PCBP3: variants seen among roughly 807,000 people sequenced by gnomAD.
The protein encoded by PCBP3 is poly(rC)-binding protein 3.
In PCBP3, 25 loss-of-function variants were observed where a neutral mutation model predicts 52.7. The observed-to-expected ratio is 0.47, with a 90% CI of 0.35 to 0.66. The LOEUF is 0.66. Among genes scored for constraint, PCBP3 ranks in the 30% least tolerant of loss-of-function variants. The pLI is 0.01. For synonymous variants in PCBP3, 162 were observed against 183.0 expected (o/e 0.89, Z 0.93); for missense variants, 391 against 490.3 (o/e 0.80, Z 1.91).
At chr21:45,862,258 T>C (rs1940026693) in intron 5 of PCBP3, among the ~76,000 whole-genome samples, 1 of 152,002 alleles carries the variant, frequency 6.6e-6, no homozygotes, top group African/African-American at 2.4e-5. Context: ...CAATTCAAAA[T>C]ACCTGGAATT....
rs976319137 is a variant in PCBP3 at position 45,802,806 on chromosome 21, C to T, written c.-125-47155C>T. Among the ~76,000 whole-genome samples, 2 of 152,148 alleles carry T rather than the reference C, an allele frequency of 1.3e-5. No individual in the cohort carries two copies. Among genetic ancestry groups the T allele is most frequent in the Non-Finnish European group, 2.9e-5 (2 of 68,020 alleles). The stretch of plus-strand genomic sequence containing the variant: ...GGGATGGGAAGGGTCCCCGAGGGCC[C>T]TGAGCAGGGCTAACCCTAGGGAAAC... On this transcript the variant is annotated intron_variant, in intron 4 of 17. Transcript: ENST00000681687. The surrounding 1 kb of genome is among the most constrained non-coding windows in gnomAD (Gnocchi z 5.1).
At chr21:45,835,764 C>T (rs1160743689) in intron 4 of PCBP3, among the ~76,000 whole-genome samples, 2 of 152,166 alleles carry the variant, frequency 1.3e-5, no homozygotes, top group Non-Finnish European at 2.9e-5. Context: ...CCAGGCCACA[C>T]CTGCCAGCTT....
chr21:45,797,374 G>A (rs981816984), intron 4 of PCBP3, among the ~76,000 whole-genome samples: 1 of 142,206 alleles, frequency 7.0e-6, no homozygotes, highest in Non-Finnish European at 1.5e-5. Context: ...CACAGAGAGT[G>A]AATGCATGGA....
At chr21:45,925,359 G>A (rs2075261258) in intron 13 of PCBP3, among the ~76,000 whole-genome samples, 1 of 152,126 alleles carries the variant, frequency 6.6e-6, no homozygotes, top group African/African-American at 2.4e-5. Context: ...CAAGTGAGGG[G>A]AAAAATTATT....
intron 1 of PCBP3, among the ~76,000 whole-genome samples, chr21:45,650,677 A>G (rs898385940): frequency 2.0e-5 from 3 of 151,922 alleles, no homozygotes; most frequent in African/African-American, 7.3e-5. Flanking sequence ...CTGGTCTTCA[A>G]CTCCTGGGCT....
At chr21:45,776,887 G>T (rs1371913468) in intron 4 of PCBP3, among the ~76,000 whole-genome samples, 2 of 152,092 alleles carry the variant, frequency 1.3e-5, no homozygotes, top group East Asian at 3.9e-4. Context: ...TGTTTCTGTC[G>T]TATGGTTGTT....
intron 13 of PCBP3, among the ~76,000 whole-genome samples, chr21:45,925,261 A>G (rs1321861512): frequency 6.6e-6 from 1 of 152,256 alleles, no homozygotes; most frequent in East Asian, 1.9e-4. Context: ...GGGAGAAGAC[A>G]CTGAGTGTAG....
intron 5 of PCBP3, among the ~76,000 whole-genome samples, chr21:45,887,721 G>A (rs969889678): frequency 3.3e-5 from 5 of 152,354 alleles, no homozygotes; most frequent in East Asian, 1.9e-4. Context: ...TTCTGCAAAC[G>A]TAATTTCTAG....
intron 2 of PCBP3, among the ~76,000 whole-genome samples, chr21:45,713,395 C>G (rs1418324661): frequency 6.6e-6 from 1 of 152,212 alleles, no homozygotes; most frequent in Non-Finnish European, 1.5e-5. Context: ...TGCTTTCCAC[C>G]TGCTAGGACT....
chr21:45,709,199 G>T (rs1452078313), intron 2 of PCBP3, among the ~76,000 whole-genome samples: 2 of 152,206 alleles, frequency 1.3e-5, no homozygotes, highest in Non-Finnish European at 2.9e-5. Flanking sequence ...GTCCAAAATT[G>T]CTAGCCTGTC....
chr21:45,697,982 T>G (rs1338111064), intron 2 of PCBP3, among the ~76,000 whole-genome samples: 1 of 151,854 alleles, frequency 6.6e-6, no homozygotes, highest in African/African-American at 2.4e-5. Context: ...TGAGTCCCCA[T>G]CTGGCCCATC....
chr21:45,844,134 G>T (rs1346256228), intron 4 of PCBP3, among the ~76,000 whole-genome samples: 2 of 152,024 alleles, frequency 1.3e-5, no homozygotes. Flanking sequence ...AGCTCCAGCA[G>T]TCTGGTTGCG....
At chr21:45,799,878 G>C (rs1272711075) in intron 4 of PCBP3, among the ~76,000 whole-genome samples, 1 of 152,212 alleles carries the variant, frequency 6.6e-6, no homozygotes, top group Non-Finnish European at 1.5e-5. Context: ...GCCTCTTGAG[G>C]TGATGTCCCT....
At chr21:45,868,030 G>C (rs1214333670) in intron 5 of PCBP3, among the ~76,000 whole-genome samples, 1 of 152,272 alleles carries the variant, frequency 6.6e-6, no homozygotes, top group Non-Finnish European at 1.5e-5. Context: ...CAGGGGGTCT[G>C]GCACCTCACT....
chr21:45,729,284 C>T (rs1251831646), intron 2 of PCBP3, among the ~76,000 whole-genome samples: 3 of 152,184 alleles, frequency 2.0e-5, no homozygotes, highest in Non-Finnish European at 4.4e-5. Flanking sequence ...ATGCCTGTAC[C>T]AGATGTGTTT....
intron 4 of PCBP3, among the ~76,000 whole-genome samples, chr21:45,838,809 A>G (rs532281496): frequency 1.3e-5 from 2 of 152,256 alleles, no homozygotes; most frequent in South Asian, 2.1e-4. Context: ...CCTGTGTTTT[A>G]AGGTCAGTGC....
At chr21:45,743,806 T>TA (rs1339576504) in intron 3 of PCBP3, among the ~76,000 whole-genome samples, 1 of 152,214 alleles carries the variant, frequency 6.6e-6, no homozygotes, top group East Asian at 1.9e-4. Context: ...CAATAAATGA[T>TA]AGCTTGCTTT....
At chr21:45,885,268 C>T (rs1254495550) in intron 5 of PCBP3, among the ~76,000 whole-genome samples, 2 of 152,162 alleles carry the variant, frequency 1.3e-5, no homozygotes, top group Non-Finnish European at 2.9e-5. Context: ...CATCCATTGT[C>T]TCCCTCCTGT....
At position 45,821,718 on chromosome 21, in the gene PCBP3, C is replaced by A. The variant is rs937183085; in HGVS notation, c.-125-28243C>A. Among the ~76,000 whole-genome samples, 1 of 152,142 alleles carries A rather than the reference C, an allele frequency of 6.6e-6. No homozygotes were observed. Among genetic ancestry groups the A allele is most frequent in the East Asian group, 1.9e-4 (1 of 5,174 alleles). On this transcript the variant is annotated intron_variant, in intron 4 of 17. Transcript: ENST00000681687. The surrounding 1 kb of genome is among the most constrained non-coding windows in gnomAD (Gnocchi z 4.4). The stretch of plus-strand genomic sequence containing the variant: ...TCTCTGCTCCCTTCCCTGCTCTTGT[C>A]ACTTCTTGCTGGTGCTCTGTGGCTG...
Sources: allele counts gnomAD v4.1 joint callset (sites outside exome capture counted in the v4.1 genomes callset), GRCh38; gene constraint gnomAD v4.1.1; non-coding constraint Gnocchi (gnomAD v3.1); transcripts MANE v1.5; gene names NCBI Gene and HGNC (gene_info 2026-07-23, HGNC 2026-07-21).